CSMD1: variants seen among roughly 807,000 people sequenced by gnomAD.
The protein encoded by CSMD1 is CUB and Sushi multiple domains 1, also known as CUB and sushi domain-containing protein 1.
In CSMD1, 213 loss-of-function variants were observed where a neutral mutation model predicts 417.5. The observed-to-expected ratio is 0.51, with a 90% CI of 0.46 to 0.57. The LOEUF (loss-of-function observed/expected upper bound fraction) is 0.57, where lower values mean the gene tolerates loss of function less well. CSMD1 is among the 20% of genes least tolerant of loss of function. CSMD1 has a pLI of 0.00. For missense variants in CSMD1, 6,923 were observed against 4,529.7 expected, an observed-to-expected ratio of 1.53 and a Z score of -15.17; for synonymous variants, 2,862 against 1,736.8, an observed-to-expected ratio of 1.65 and a Z score of -16.11.
intron 4 of CSMD1, among the ~76,000 whole-genome samples, chr8:4,018,728 A>G (rs184172059): frequency 6.6e-6 from 1 of 152,342 alleles, no homozygotes; most frequent in Admixed American, 6.5e-5. Flanking sequence ...CTCTTGAGTT[A>G]GAAGAGAACG....
At chr8:4,238,173 C>G (rs1246182825) in intron 3 of CSMD1, among the ~76,000 whole-genome samples, 1 of 152,202 alleles carries the variant, frequency 6.6e-6, no homozygotes, top group Non-Finnish European at 1.5e-5. Flanking sequence ...CAAAGGACAT[C>G]TTAGAATGCC....
intron 3 of CSMD1, among the ~76,000 whole-genome samples, chr8:4,307,328 T>C (rs184994306): frequency 2.8e-4 from 43 of 152,266 alleles, no homozygotes; most frequent in African/African-American, 1.0e-3. Flanking sequence ...CATGTCCACA[T>C]TGAGGCTGAA....
intron 3 of CSMD1, among the ~76,000 whole-genome samples, chr8:4,289,673 C>G (rs973552166): frequency 2.6e-5 from 4 of 152,156 alleles, no homozygotes; most frequent in East Asian, 3.9e-4. Context: ...AACATGTGCT[C>G]AAGACATGAG....
At chr8:4,767,469 C>T (rs934379828) in intron 1 of CSMD1, among the ~76,000 whole-genome samples, 3 of 152,148 alleles carry the variant, frequency 2.0e-5, no homozygotes, top group African/African-American at 7.2e-5. Flanking sequence ...TGGGGCTCTG[C>T]CTCCCTCACC....
chr8:3,556,789 C>A (rs577488968), intron 10 of CSMD1, among the ~76,000 whole-genome samples: 1 of 152,128 alleles, frequency 6.6e-6, no homozygotes, highest in Non-Finnish European at 1.5e-5. Flanking sequence ...CATAGAAAGA[C>A]TGCCAAAAGA....
chr8:4,159,628 G>C (rs539069094), intron 3 of CSMD1, among the ~76,000 whole-genome samples: 127 of 152,198 alleles, frequency 8.3e-4, no homozygotes, highest in African/African-American at 2.9e-3. Context: ...TCACTCTGTC[G>C]CCCAGGCTGG....
chr8:3,310,653 G>C (rs1021409724), intron 23 of CSMD1, among the ~76,000 whole-genome samples: 1 of 152,158 alleles, frequency 6.6e-6, no homozygotes, highest in South Asian at 2.1e-4. Context: ...CCTATGATCA[G>C]TACCACTGGA....
intron 38 of CSMD1, among the ~76,000 whole-genome samples, chr8:3,158,483 G>A (rs1025959611): frequency 1.3e-5 from 2 of 151,970 alleles, no homozygotes; most frequent in African/African-American, 2.4e-5. Context: ...ATCACAGAAC[G>A]GAGACTTCAC....
intron 23 of CSMD1, among the ~76,000 whole-genome samples, chr8:3,314,854 G>A (rs761042748): frequency 6.6e-6 from 1 of 152,200 alleles, no homozygotes; most frequent in African/African-American, 2.4e-5. Context: ...CAAGAGAACC[G>A]GCTCCAGACT....
intron 5 of CSMD1, among the ~76,000 whole-genome samples, chr8:3,859,272 T>C (rs1044241467): frequency 2.6e-5 from 4 of 152,230 alleles, no homozygotes; most frequent in African/African-American, 7.2e-5. Flanking sequence ...TGGTGAGTCT[T>C]TCTAGTTTTC....
intron 3 of CSMD1, among the ~76,000 whole-genome samples, chr8:4,283,043 A>T (rs1796874125): frequency 6.6e-6 from 1 of 152,160 alleles, no homozygotes; most frequent in Admixed American, 6.6e-5. Context: ...TTTAAAAAAA[A>T]TGCCTGATAG....
chr8:3,708,377 G>C lies in CSMD1; in HGVS notation c.1009+37C>G, dbSNP rs746164719. ...TCCATTCTCTCCTCTGCTTACAAGG[G>C]CGTATCAATCCTCAGATAGAAAGGA... On this transcript the variant is annotated intron_variant, in intron 7 of 69. Transcript: ENST00000635120. The C allele has an allele frequency of 4.5e-6, 7 of 1,553,064 alleles. No individual in the cohort carries two copies. The East Asian group carries it at 9.0e-5, about 20-fold the overall frequency.
intron 10 of CSMD1, among the ~76,000 whole-genome samples, chr8:3,512,874 G>A (rs1797135320): frequency 6.6e-6 from 1 of 152,028 alleles, no homozygotes; most frequent in Non-Finnish European, 1.5e-5. Flanking sequence ...GGGATTACAG[G>A]TGTGAGCCAC....
intron 2 of CSMD1, among the ~76,000 whole-genome samples, chr8:4,582,987 C>G (rs28492698): frequency 0.58 from 88,893 of 152,088 alleles, 26,670 homozygotes; most frequent in African/African-American, 0.73. Context: ...TGGCTGCGGA[C>G]GGTGTACTGA....
At chr8:4,518,788 A>T (rs963041544) in intron 2 of CSMD1, among the ~76,000 whole-genome samples, 19 of 152,066 alleles carry the variant, frequency 1.2e-4, no homozygotes, top group African/African-American at 4.3e-4. Context: ...AAATTTAAAA[A>T]AAGAGGAAAA....
At chr8:4,710,679 A>G (rs1345037519) in intron 1 of CSMD1, among the ~76,000 whole-genome samples, 1 of 151,448 alleles carries the variant, frequency 6.6e-6, no homozygotes, top group Non-Finnish European at 1.5e-5. Context: ...CCCCGTCTCT[A>G]CTAAAAATAC....
chr8:4,362,860 T>C (rs1000432979), intron 3 of CSMD1, among the ~76,000 whole-genome samples: 8 of 152,236 alleles, frequency 5.3e-5, no homozygotes, highest in Non-Finnish European at 8.8e-5. Flanking sequence ...TCAGGGTCTC[T>C]ATAAATTCAT....
chr8:4,109,532 G>T (rs1049527619), intron 3 of CSMD1, among the ~76,000 whole-genome samples: 1 of 152,128 alleles, frequency 6.6e-6, no homozygotes, highest in African/African-American at 2.4e-5. Context: ...AGTAGTCACT[G>T]AAGTTTTCAG....
chr8:3,228,522 T>C (rs1246464783), intron 27 of CSMD1, among the ~76,000 whole-genome samples: 1 of 152,228 alleles, frequency 6.6e-6, no homozygotes, highest in Non-Finnish European at 1.5e-5. Context: ...TCCTTGAAGC[T>C]GACATTCAAG....
Sources: allele counts gnomAD v4.1 joint callset (sites outside exome capture counted in the v4.1 genomes callset), GRCh38; gene constraint gnomAD v4.1.1; transcripts MANE v1.5; gene names NCBI Gene and HGNC (gene_info 2026-07-23, HGNC 2026-07-21).